Variants in DNMT1 observed in about 807,000 individuals in gnomAD.
DNMT1 encodes the protein DNA methyltransferase 1.
DNMT1 carries 24 observed loss-of-function variants against 205.3 expected under a neutral mutation model. The observed-to-expected ratio is 0.12, with a 90% CI of 0.08 to 0.16. The LOEUF is 0.16. Among genes scored for constraint, DNMT1 ranks in the 10% least tolerant of loss-of-function variants. The pLI, the probability that DNMT1 is intolerant of heterozygous loss-of-function variation, is 1.00. For synonymous variants in DNMT1, 817 were observed against 839.8 expected, an observed-to-expected ratio of 0.97 and a Z score of 0.47; for missense variants, 1,293 against 2,177.7, an observed-to-expected ratio of 0.59 and a Z score of 8.09.
rs1228333897 is a variant in DNMT1 at position 10,149,559 on chromosome 19, G to A, written c.2480C>T (p.Pro827Leu). The change falls in exon 26 of 41, where the codon CCT becomes CTT. Residue 827 changes from proline (P) to leucine (L), a missense_variant. Physicochemically the swap from Pro to Leu is moderately conservative, Grantham distance 98 (BLOSUM62 -3). This residue lies in a region of DNMT1 where 197 missense variants were observed against 353.6 expected (regional missense o/e 0.56). Transcript: ENST00000359526. ...TDTVLGATSDPLELFLVDECE... is the reference protein window; with the variant it reads ...TDTVLGATSDLLELFLVDECE... ...TTCATCCACCAAGAACAGCTCCAGA[G>A]GGTCCGACGTGGCCCCGAGGACTGT... 6.2e-7 allele frequency: 1 copy of A among 1,614,022 alleles called. No individual in the cohort carries two copies. The highest frequency in any genetic ancestry group is 8.5e-7 in the Non-Finnish European group (1 of 1,180,000).
chr19:10,159,530 C>A lies in DNMT1; in HGVS notation c.1280+128G>T, dbSNP rs766855411. ...AGCCCTCCACGGTGGCTCTTATCCA[C>A]GAAGTGTTAGCTTAAGACATGTTGC... On this transcript the variant is annotated intron_variant, in intron 17 of 40. Transcript: ENST00000359526. This position sits in a 1 kb window ranked among gnomAD's most constrained non-coding sequence, Gnocchi z 5.0. 1.0e-6 allele frequency: 1 copy of A among 994,366 alleles called. No homozygotes were observed. Among genetic ancestry groups the A allele is most frequent in the Non-Finnish European group, 1.5e-6 (1 of 651,516 alleles). 61.6% of individuals were successfully genotyped at this position (994,366 alleles called of 1,614,324 possible).
rs188289761 is a variant in DNMT1 at position 10,182,092 on chromosome 19, T to C, written c.81-15A>G. Reference sequence around the variant, plus strand: ...AATCTTTGAGCCTGGGAGGAAGAAATAGGGGAGAAAATACAAACACTTGTT... The same window carrying C: ...AATCTTTGAGCCTGGGAGGAAGAAACAGGGGAGAAAATACAAACACTTGTT... On this transcript the variant is annotated splice_polypyrimidine_tract_variant and intron_variant, in intron 1 of 40. Coordinates refer to ENST00000359526, the MANE Select transcript of DNMT1 (RefSeq NM_001130823.3). 16 of 1,612,574 alleles carry C rather than the reference T, an allele frequency of 9.9e-6. 1 individual carries two copies. The African/African-American group carries it at 1.3e-4, about 13-fold the overall frequency.
intron 6 of DNMT1, among the ~76,000 whole-genome samples, chr19:10,175,906 G>A (rs1204068364): frequency 2.0e-5 from 3 of 152,148 alleles, no homozygotes; most frequent in African/African-American, 4.8e-5. Context: ...AGTGGCTCAC[G>A]CCTATAATCC....
intron 29 of DNMT1, chr19:10,142,719 A>T (rs1379303087): frequency 1.2e-5 from 2 of 163,878 alleles, no homozygotes; most frequent in African/African-American, 4.9e-5. Context: ...AGACCCCCCT[A>T]CTTAGGGAAC....
At chr19:10,182,401 ATATACATATATAT>A (rs2039069796) in intron 1 of DNMT1, among the ~76,000 whole-genome samples, 1 of 81,988 alleles carries the variant, frequency 1.2e-5, no homozygotes, top group Non-Finnish European at 2.7e-5. Context: ...ATGTGTATAT[ATATACATATATAT>A]GTGTATATAT....
Position 10,144,406 on chromosome 19 carries a change from T to C in DNMT1, c.2895-419A>G, listed in dbSNP as rs1249130255. ...CTGTGTGACAGAGCAAGACTCCATCTCACAGAAAAAAAAAAAAAAGATTTA... is the reference window on the plus strand; with the variant it reads ...CTGTGTGACAGAGCAAGACTCCATCCCACAGAAAAAAAAAAAAAAGATTTA... On this transcript the variant is annotated intron_variant, in intron 28 of 40. Transcript: ENST00000359526. The C allele has an allele frequency of 1.4e-5, 3 of 215,284 alleles. No homozygotes were observed. The South Asian group carries it at 2.0e-4, about 15-fold the overall frequency. 13.3% of individuals were successfully genotyped at this position (215,284 alleles called of 1,614,324 possible). A position where few individuals can be genotyped will look rare whatever the true frequency, so the allele number is the denominator to read the frequency against.
At chr19:10,165,772 GA>G (rs1477493323) in intron 11 of DNMT1, among the ~76,000 whole-genome samples, 1 of 152,186 alleles carries the variant, frequency 6.6e-6, no homozygotes, top group Non-Finnish European at 1.5e-5. Flanking sequence ...AGAGGGCAGG[GA>G]GTAATGTGAC....
Position 10,173,271 on chromosome 19 carries a change from T to C in DNMT1, c.684-97A>G, listed in dbSNP as rs931812229. The C allele has an allele frequency of 7.4e-5, 90 of 1,208,538 alleles. No individual in the cohort carries two copies. In the African/African-American group the frequency reaches 1.2e-3, roughly 15 times the overall value. The allele number at this position is 1,208,538 out of a possible 1,614,324, so 74.9% of individuals were successfully genotyped here. ...GCTCCTCTTTCCCCCAAAAGCAATC[T>C]TCATTATCTCAGGAGCCCTGACAGA... On this transcript the variant is annotated intron_variant, in intron 8 of 40. Transcript: ENST00000359526.
chr19:10,154,278 C>G lies in DNMT1; in HGVS notation c.2019+15G>C, dbSNP rs370849760. 110 of 1,613,786 alleles carry G rather than the reference C, an allele frequency of 6.8e-5. No homozygotes were observed. The highest frequency in any genetic ancestry group is 9.2e-5 in the Non-Finnish European group (108 of 1,179,842). On this transcript the variant is annotated intron_variant, in intron 22 of 40. Transcript: ENST00000359526. This position sits in a 1 kb window ranked among gnomAD's most constrained non-coding sequence, Gnocchi z 6.3. ...GCCACCTTAGGGGAGCGGGAGCACC[C>G]ACAGGTGAGGTTACCTCACAGACGC...
At chr19:10,186,096 C>G (rs2039174300) in intron 1 of DNMT1, among the ~76,000 whole-genome samples, 1 of 152,146 alleles carries the variant, frequency 6.6e-6, no homozygotes, top group Non-Finnish European at 1.5e-5. Context: ...GCCAGCCAGT[C>G]CCCTGATCCC....
At chr19:10,168,498 G>A in intron 9 of DNMT1, 134 bp from the exon 10 acceptor site, 2 of 870,304 alleles carry the variant, frequency 2.3e-6, no homozygotes, top group South Asian at 1.4e-5. Context: ...GTCTACCAGT[G>A]GGCACAGTAG....
At chr19:10,190,537 C>T (rs541340156) in intron 1 of DNMT1, among the ~76,000 whole-genome samples, 2 of 151,918 alleles carry the variant, frequency 1.3e-5, no homozygotes, top group Admixed American at 6.6e-5. Flanking sequence ...CTGAGGCAGG[C>T]GAATCACTTG....
chr19:10,139,246 G>A (rs144713630), intron 34 of DNMT1, among the ~76,000 whole-genome samples: 3 of 152,330 alleles, frequency 2.0e-5, no homozygotes, highest in Non-Finnish European at 4.4e-5. Context: ...GTTTGTGTGC[G>A]CAGTTACCCA....
In DNMT1 at chr19:10,137,250, G is replaced by A. The variant is rs139918621; in HGVS notation, c.4324C>T (p.Arg1442Trp). ...DMSALVAARM[R>W]HIPLAPGSDW... ...GACCCTGGGGCCAAGGGGATGTGCCGCATGCGGGCAGCCACCAATGCACTC... is the reference window on the plus strand; with the variant it reads ...GACCCTGGGGCCAAGGGGATGTGCCACATGCGGGCAGCCACCAATGCACTC... Residue 1442 changes from arginine to tryptophan, a missense_variant, in exon 37 of 41, where the codon CGG becomes TGG. Coordinates refer to ENST00000359526, the MANE Select transcript of DNMT1 (RefSeq NM_001130823.3). This position sits in a 1 kb window ranked among gnomAD's most constrained non-coding sequence, Gnocchi z 6.4. 1.1e-5 allele frequency: 17 copies of A among 1,609,228 alleles called. No individual in the cohort carries two copies. Among genetic ancestry groups the A allele is most frequent in the African/African-American group, 6.7e-5 (5 of 74,886 alleles).
At chr19:10,176,025 A>G (rs2038932390) in intron 6 of DNMT1, among the ~76,000 whole-genome samples, 1 of 152,136 alleles carries the variant, frequency 6.6e-6, no homozygotes, top group Non-Finnish European at 1.5e-5. Flanking sequence ...AACATTAGCC[A>G]GGGGTTGTGG....
rs530293931 is a variant in DNMT1, at chr19:10,148,907, C to T, written c.2697G>A (p.Gln899=). 288 of 1,614,186 alleles carry T rather than the reference C, an allele frequency of 1.8e-4. 2 individuals are homozygous for T. In the South Asian group the frequency reaches 3.1e-3, roughly 17 times the overall value. Residue 899 remains glutamine, a synonymous_variant, in exon 27 of 41, where the codon CAG becomes CAA. Coordinates refer to ENST00000359526, the MANE Select transcript of DNMT1 (RefSeq NM_001130823.3). ...ACTTGAACTTGTTGTCCTCTGTTGG[C>T]TGGGTTTTTGGAGGGGACTCGAATC... is the stretch of plus-strand genomic sequence containing the variant. ...YARFESPPKT[Q]PTEDNKFKFC...
rs376288688 is a variant in DNMT1 at position 10,159,972 on chromosome 19, C to T, written c.1089+46G>A. 1.3e-4 allele frequency: 216 copies of T among 1,614,082 alleles called. 1 individual carries two copies. Among genetic ancestry groups the T allele is most frequent in the East Asian group, 1.1e-3 (51 of 44,878 alleles). ...TGGCACTCAGAGAGCAGCTCCCAGC[C>T]GCCTCGTGAGCGCCGCCACCGGCTT... On this transcript the variant is annotated intron_variant, in intron 15 of 40. Coordinates refer to ENST00000359526, the MANE Select transcript of DNMT1 (RefSeq NM_001130823.3). The surrounding 1 kb of genome is among the most constrained non-coding windows in gnomAD (Gnocchi z 5.0).
chr19:10,139,838 T>C (rs760288625), intron 33 of DNMT1, 21 bp from the exon 34 acceptor site: 1 of 1,565,318 alleles, frequency 6.4e-7, no homozygotes, highest in East Asian at 2.4e-5. Flanking sequence ...CAGGAGAGAC[T>C]GCAGGAGTCA....
chr19:10,143,239 C>T (rs989570855), intron 29 of DNMT1, among the ~76,000 whole-genome samples: 4 of 152,112 alleles, frequency 2.6e-5, no homozygotes, highest in Non-Finnish European at 4.4e-5. Context: ...TCTTTTGAGA[C>T]GGGGTCTGGC....
Sources: allele counts gnomAD v4.1 joint callset (sites outside exome capture counted in the v4.1 genomes callset), GRCh38; gene constraint gnomAD v4.1.1; regional missense constraint gnomAD v4.1.1; non-coding constraint Gnocchi (gnomAD v3.1); transcripts MANE v1.5; gene names NCBI Gene and HGNC (gene_info 2026-07-23, HGNC 2026-07-21).